KMT2C: variants seen among roughly 807,000 people sequenced by gnomAD.
KMT2C encodes the protein lysine methyltransferase 2C, also known as histone-lysine N-methyltransferase 2C.
In KMT2C, 88 loss-of-function variants were observed where a neutral mutation model predicts 507.9. That is an observed-to-expected ratio of 0.17 (90% CI 0.15 to 0.21). KMT2C has a LOEUF of 0.21. Ranked by LOEUF, KMT2C falls within the 10% of genes least tolerant of loss-of-function variation. The pLI is 1.00. For synonymous variants in KMT2C, 2,049 were observed against 2,080.8 expected, an observed-to-expected ratio of 0.98 and a Z score of 0.42; for missense variants, 4,954 against 5,957.8, an observed-to-expected ratio of 0.83 and a Z score of 5.55.
At chr7:152,290,591 A>T (rs1000194433) in intron 6 of KMT2C, among the ~76,000 whole-genome samples, 1 of 151,698 alleles carries the variant, frequency 6.6e-6, no homozygotes, top group Non-Finnish European at 1.5e-5. Context: ...TACAGGCGTA[A>T]ACCACTGCGC....
intron 1 of KMT2C, among the ~76,000 whole-genome samples, chr7:152,387,829 A>G (rs1313532758): frequency 6.6e-6 from 1 of 152,066 alleles, no homozygotes; most frequent in Non-Finnish European, 1.5e-5. Flanking sequence ...TTCTACATAC[A>G]TACACGTCTT....
At chr7:152,184,078 A>C (rs2093535679) in intron 34 of KMT2C, among the ~76,000 whole-genome samples, 1 of 151,440 alleles carries the variant, frequency 6.6e-6, no homozygotes, top group South Asian at 2.1e-4. Flanking sequence ...ATCTCAAAAA[A>C]AAAAAAAAAA....
chr7:152,175,461 G>A (rs906362994), intron 38 of KMT2C, among the ~76,000 whole-genome samples: 1 of 147,632 alleles, frequency 6.8e-6, no homozygotes, highest in Admixed American at 6.6e-5. Context: ...AATGCTATCC[G>A]TCCCCTAGCC....
intron 1 of KMT2C, among the ~76,000 whole-genome samples, chr7:152,360,115 A>G (rs1178003860): frequency 1.3e-5 from 2 of 151,740 alleles, no homozygotes; most frequent in Non-Finnish European, 2.9e-5. Flanking sequence ...TAATATGAAA[A>G]AAGAATAAAA....
chr7:152,328,752 G>C (rs942760399), intron 3 of KMT2C, among the ~76,000 whole-genome samples: 1 of 152,108 alleles, frequency 6.6e-6, no homozygotes, highest in Non-Finnish European at 1.5e-5. Context: ...TGTTAGGCAA[G>C]TTAAGACACT....
At chr7:152,184,103 G>A (rs1039047175) in intron 34 of KMT2C, among the ~76,000 whole-genome samples, 9 of 142,408 alleles carry the variant, frequency 6.3e-5, no homozygotes, top group East Asian at 2.0e-4. Flanking sequence ...TTAGAAAAAA[G>A]GAAAAATATC....
At chr7:152,283,329 T>A (rs1419065049) in intron 6 of KMT2C, among the ~76,000 whole-genome samples, 1 of 152,236 alleles carries the variant, frequency 6.6e-6, no homozygotes, top group Non-Finnish European at 1.5e-5. Flanking sequence ...GTTAAATACT[T>A]CAAAAAGTGG....
intron 1 of KMT2C, among the ~76,000 whole-genome samples, chr7:152,366,071 G>A (rs765001831): frequency 2.0e-5 from 3 of 152,172 alleles, no homozygotes; most frequent in Non-Finnish European, 4.4e-5. Flanking sequence ...GATGGCTACT[G>A]TGAAAAATAA....
At chr7:152,214,325 G>A (rs12540701) in intron 23 of KMT2C, among the ~76,000 whole-genome samples, 10,323 of 152,172 alleles carry the variant, frequency 0.068, 501 homozygotes, top group East Asian at 0.14. Context: ...TAAGTGTCCT[G>A]ATGGACAATT....
At chr7:152,228,148 G>C (rs994801056) in intron 18 of KMT2C, among the ~76,000 whole-genome samples, 2 of 152,184 alleles carry the variant, frequency 1.3e-5, no homozygotes, top group Non-Finnish European at 2.9e-5. Context: ...TGTACAGGTT[G>C]TGCTTCTGTA....
In KMT2C at chr7:152,435,890, G is replaced by A. The variant is rs1225084044; in HGVS notation, c.-104C>T. On this transcript the variant is annotated 5_prime_UTR_variant, in exon 1 of 59. Coordinates refer to ENST00000262189, the MANE Select transcript of KMT2C (RefSeq NM_170606.3). ...CTGCTGCTCGGGTTCCTCCTCCCCG[G>A]CTCAGCCTCTCGCATTTCCCGCAGC... The A allele has an allele frequency of 4.0e-6, 5 of 1,262,348 alleles. No individual in the cohort carries two copies. In the African/African-American group the frequency reaches 8.0e-5, roughly 20 times the overall value. The allele number at this position is 1,262,348 out of a possible 1,614,324, so 78.2% of individuals were successfully genotyped here. A position where few individuals can be genotyped will look rare whatever the true frequency, so the allele number is the denominator to read the frequency against.
chr7:152,354,672 T>G (rs2097138891), intron 2 of KMT2C, among the ~76,000 whole-genome samples: 1 of 151,878 alleles, frequency 6.6e-6, no homozygotes. Context: ...GAGAAAAAAT[T>G]TTTCCAAGCA....
chr7:152,255,126 T>TATATATATACATATATATATATATAC (rs1554583779), intron 9 of KMT2C, among the ~76,000 whole-genome samples: 1 of 119,766 alleles, frequency 8.3e-6, no homozygotes, highest in African/African-American at 3.8e-5. Flanking sequence ...TATATATATA[T>TATATATATACATATATATATATATAC]ATATATATAT....
chr7:152,218,178 T>C (rs901030191), intron 23 of KMT2C, among the ~76,000 whole-genome samples: 8 of 152,206 alleles, frequency 5.3e-5, no homozygotes, highest in African/African-American at 1.7e-4. Context: ...TATTTATTTA[T>C]TTTTTGAGAT....
At chr7:152,379,817 A>T (rs2097356577) in intron 1 of KMT2C, among the ~76,000 whole-genome samples, 1 of 152,424 alleles carries the variant, frequency 6.6e-6, no homozygotes, top group South Asian at 2.1e-4. Context: ...AGGACAGGGC[A>T]GGGCACAGTG....
intron 1 of KMT2C, among the ~76,000 whole-genome samples, chr7:152,414,765 G>A (rs1340306993): frequency 6.6e-6 from 1 of 151,860 alleles, no homozygotes; most frequent in Non-Finnish European, 1.5e-5. Flanking sequence ...CAAAGTGCTG[G>A]GATTACAGGC....
At chr7:152,142,583 T>C (rs564948242) in intron 55 of KMT2C, among the ~76,000 whole-genome samples, 1 of 152,368 alleles carries the variant, frequency 6.6e-6, no homozygotes, top group South Asian at 2.1e-4. Context: ...ACCTCACGTT[T>C]GGGAATATAC....
At chr7:152,233,721 G>A (rs2095193195) in intron 16 of KMT2C, among the ~76,000 whole-genome samples, 2 of 152,132 alleles carry the variant, frequency 1.3e-5, no homozygotes, top group African/African-American at 4.8e-5. Flanking sequence ...GAAACATTAT[G>A]ATCAACTCCA....
intron 44 of KMT2C, 119 bp from the exon 45 acceptor site, chr7:152,156,465 G>T: frequency 7.9e-7 from 1 of 1,266,724 alleles, no homozygotes; most frequent in Non-Finnish European, 1.1e-6. Flanking sequence ...ATGTAATCAA[G>T]ATGTATCTTG....
Sources: allele counts gnomAD v4.1 joint callset (sites outside exome capture counted in the v4.1 genomes callset), GRCh38; gene constraint gnomAD v4.1.1; transcripts MANE v1.5; gene names NCBI Gene and HGNC (gene_info 2026-07-23, HGNC 2026-07-21).